GPA33: variants seen among roughly 807,000 people sequenced by gnomAD.
GPA33 encodes glycoprotein A33.
In GPA33, 27 loss-of-function variants were observed where a neutral mutation model predicts 35.6. The ratio of observed to expected loss-of-function variants is 0.76; its 90% CI spans 0.56 to 1.04. The LOEUF is 1.04. Ranked by LOEUF, GPA33 falls within the 50% of genes least tolerant of loss-of-function variation. The pLI is 0.00. For missense variants in GPA33, 428 were observed against 411.9 expected (o/e 1.04, Z -0.34); for synonymous variants, 176 against 164.0 (o/e 1.07, Z -0.56).
intron 1 of GPA33, among the ~76,000 whole-genome samples, chr1:167,076,972 G>A (rs976977912): frequency 2.0e-5 from 3 of 152,142 alleles, no homozygotes; most frequent in Non-Finnish European, 4.4e-5. Context: ...TTGGGAGGCC[G>A]AGGTGGATGG....
intron 4 of GPA33, among the ~76,000 whole-genome samples, chr1:167,062,642 C>CTTTATTT (rs1571306971): frequency 2.9e-5 from 2 of 69,964 alleles, no homozygotes; most frequent in South Asian, 7.1e-4. Flanking sequence ...TTATATAGCT[C>CTTTATTT]TTTCTTTTTT....
At chr1:167,055,647 C>G in intron 5 of GPA33, 83 bp downstream of exon 5, 2 of 1,489,682 alleles carry the variant, frequency 1.3e-6, no homozygotes. Context: ...TATTCCTCCT[C>G]ACGGTGGTCT....
rs896465990 is a variant in GPA33, at chr1:167,081,201, C to T, written c.44-7662G>A. ...AGGATAATGAAATGCTTGATGGAACCGGTGGCTTGAGGCATACATAGCACA... is the reference window on the plus strand; with the variant it reads ...AGGATAATGAAATGCTTGATGGAACTGGTGGCTTGAGGCATACATAGCACA... On this transcript the variant is annotated intron_variant, in intron 1 of 6. Coordinates refer to ENST00000367868, the MANE Select transcript of GPA33 (RefSeq NM_005814.3). Among the ~76,000 whole-genome samples, 5 of 152,184 alleles carry T rather than the reference C, an allele frequency of 3.3e-5. No homozygotes were observed. In the South Asian group the frequency reaches 8.3e-4, roughly 25 times the overall value.
intron 1 of GPA33, among the ~76,000 whole-genome samples, chr1:167,088,352 A>T (rs1667094524): frequency 6.6e-6 from 1 of 152,206 alleles, no homozygotes; most frequent in African/African-American, 2.4e-5. Context: ...CTGCAGTGGC[A>T]ATGGCTATTT....
chr1:167,073,542 G>T lies in GPA33; in HGVS notation c.44-3C>A. ...GATGGCATCGACGGTCACCCTGACT[G>T]GAAAGAAAGTAGGCAGTGGAAGGGA... is the stretch of plus-strand genomic sequence containing the variant. On this transcript the variant is annotated splice_region_variant and splice_polypyrimidine_tract_variant and intron_variant, in intron 1 of 6. Transcript: ENST00000367868. The T allele has an allele frequency of 6.2e-7, 1 of 1,613,014 alleles. No homozygotes were observed. The highest frequency in any genetic ancestry group is 1.1e-5 in the South Asian group (1 of 90,974).
intron 1 of GPA33, among the ~76,000 whole-genome samples, chr1:167,086,734 G>GA (rs1667055821): frequency 6.6e-6 from 1 of 152,218 alleles, no homozygotes; most frequent in Admixed American, 6.5e-5. Context: ...TGGGTTTTCT[G>GA]AAACTTTTTT....
rs1666186631 is a variant in GPA33, at chr1:167,054,418, G to A, written c.876C>T (p.Ser292=). The A allele has an allele frequency of 1.2e-6, 2 of 1,613,990 alleles. No individual in the cohort carries two copies. Among genetic ancestry groups the A allele is most frequent in the Non-Finnish European group, 1.7e-6 (2 of 1,180,022 alleles). The change falls in exon 7 of 7, where the codon TCC becomes TCT. Residue 292 remains serine (S), a synonymous_variant. Transcript: ENST00000367868. ...AGTCATCCTCCTCCTCCCTCTCTCT[G>A]GAAAGTTCTCTTAGCTGCTCTGGTG... The part of the protein sequence containing the change: ...EEPPEQLREL[S]REREEEDDYR...
chr1:167,081,215 A>T (rs1045164201), intron 1 of GPA33, among the ~76,000 whole-genome samples: 1 of 152,254 alleles, frequency 6.6e-6, no homozygotes, highest in Admixed American at 6.5e-5. Flanking sequence ...GGCTTGAGGC[A>T]TACATAGCAC....
At chr1:167,077,495 G>A (rs1666846580) in intron 1 of GPA33, among the ~76,000 whole-genome samples, 1 of 152,140 alleles carries the variant, frequency 6.6e-6, no homozygotes, top group African/African-American at 2.4e-5. Context: ...CACTGATTCT[G>A]TTCTTGTCTA....
rs1395010008 is a variant in GPA33, at chr1:167,073,453, T to C, written c.130A>G (p.Thr44Ala). The change falls in exon 2 of 7, where the codon ACC becomes GCC. Residue 44 changes from threonine to alanine, a missense_variant. Thr to Ala is a moderately conservative substitution (Grantham distance 58). Transcript: ENST00000367868. ...SQGKSVTLPC[T>A]YHTSTSSREG... ...CGACTGGAGGTGGAAGTGTGGTAGG[T>C]GCAGGGCAGGGTGACACTCTTTCCC... 6.2e-7 allele frequency: 1 copy of C among 1,612,884 alleles called. No homozygotes were observed. The highest frequency in any genetic ancestry group is 1.1e-5 in the South Asian group (1 of 91,032).
intron 1 of GPA33, among the ~76,000 whole-genome samples, chr1:167,089,586 G>A (rs866776998): frequency 1.3e-5 from 2 of 152,116 alleles, no homozygotes; most frequent in African/African-American, 4.8e-5. Context: ...ACAGAACACT[G>A]TGCTATTAAG....
chr1:167,076,560 G>A (rs149272203), intron 1 of GPA33, among the ~76,000 whole-genome samples: 12 of 152,284 alleles, frequency 7.9e-5, no homozygotes, highest in East Asian at 1.9e-4. Flanking sequence ...GGAAGCATTC[G>A]GGTTGTTCAT....
chr1:167,082,214 TA>T (rs779604057), intron 1 of GPA33: 72 of 454,358 alleles, frequency 1.6e-4, no homozygotes, highest in South Asian at 1.1e-3. Context: ...TAGAAGAAAA[TA>T]CACCAAAATA....
In GPA33 at chr1:167,081,342, C is replaced by A. The variant is rs547775560; in HGVS notation, c.44-7803G>T. ...GGAGGCCAGAAAGGACCCAGCCAGCCCCAGGACCAAGTACCATGTGCTGGT... is the reference window on the plus strand; with the variant it reads ...GGAGGCCAGAAAGGACCCAGCCAGCACCAGGACCAAGTACCATGTGCTGGT... On this transcript the variant is annotated intron_variant, in intron 1 of 6. Transcript: ENST00000367868. 6.6e-5 allele frequency among the ~76,000 whole-genome samples: 10 copies of A among 152,184 alleles called. 1 individual carries two copies. The East Asian group carries it at 1.9e-3, about 29-fold the overall frequency.
chr1:167,054,172 C>G lies in GPA33; in HGVS notation c.*162G>C, dbSNP rs1666177527. ...AGGATCAGCACAGGGACCCCCTTAC[C>G]AGGCCAGCCATGTTCCCCACAGCTG... On this transcript the variant is annotated 3_prime_UTR_variant, in exon 7 of 7. Coordinates refer to ENST00000367868, the MANE Select transcript of GPA33 (RefSeq NM_005814.3). 2 of 907,418 alleles carry G rather than the reference C, an allele frequency of 2.2e-6. No homozygotes were observed. The highest frequency in any genetic ancestry group is 3.3e-6 in the Non-Finnish European group (2 of 602,254). The allele number at this position is 907,418 out of a possible 1,614,324, so 56.2% of individuals were successfully genotyped here.
At chr1:167,078,207 T>C (rs1167211384) in intron 1 of GPA33, among the ~76,000 whole-genome samples, 2 of 152,244 alleles carry the variant, frequency 1.3e-5, no homozygotes, top group Admixed American at 6.5e-5. Context: ...GTATTTAATA[T>C]GTGCCTAGCA....
intron 2 of GPA33, among the ~76,000 whole-genome samples, chr1:167,073,048 A>G (rs998976370): frequency 3.5e-4 from 53 of 152,294 alleles, no homozygotes; most frequent in African/African-American, 1.2e-3. Flanking sequence ...ACACTTCCCA[A>G]AAGAATCCAA....
rs1307490160 is a variant in GPA33, at chr1:167,068,801, G to A, written c.415+121C>T. 3 of 675,260 alleles carry A rather than the reference G, an allele frequency of 4.4e-6. No individual in the cohort carries two copies. The African/African-American group carries it at 5.3e-5, about 12-fold the overall frequency. The allele number at this position is 675,260 out of a possible 1,614,324, so 41.8% of individuals were successfully genotyped here. On this transcript the variant is annotated intron_variant, in intron 3 of 6. Coordinates refer to ENST00000367868, the MANE Select transcript of GPA33 (RefSeq NM_005814.3). ...CTCTGCTGAAGACAGCCTGGACGAG[G>A]TGAGGAGTCTTAGCTCCTTGTTGCT...
chr1:167,081,226 A>T (rs541080018), intron 1 of GPA33, among the ~76,000 whole-genome samples: 1 of 152,254 alleles, frequency 6.6e-6, no homozygotes, highest in Non-Finnish European at 1.5e-5. Flanking sequence ...TACATAGCAC[A>T]TTATGTGAGC....
Sources: allele counts gnomAD v4.1 joint callset (sites outside exome capture counted in the v4.1 genomes callset), GRCh38; gene constraint gnomAD v4.1.1; transcripts MANE v1.5; gene names NCBI Gene and HGNC (gene_info 2026-07-23, HGNC 2026-07-21).